The following PDSS2 variants were observed in gnomAD, a reference collection of about 807,000 sequenced individuals.
The protein encoded by PDSS2 is all trans-polyprenyl-diphosphate synthase PDSS2.
A neutral mutation model predicts 44.5 loss-of-function variants in PDSS2; 31 were observed. The observed-to-expected ratio is 0.70, with a 90% CI of 0.52 to 0.94. PDSS2 has a LOEUF of 0.94. PDSS2 is among the 40% of genes least tolerant of loss of function. The pLI is 0.00. For missense variants in PDSS2, 452 were observed against 482.2 expected (o/e 0.94, Z 0.59); for synonymous variants, 157 against 180.3 (o/e 0.87, Z 1.03).
At chr6:107,387,001 TAC>T (rs947171574) in intron 1 of PDSS2, among the ~76,000 whole-genome samples, 7 of 152,312 alleles carry the variant, frequency 4.6e-5, no homozygotes, top group Non-Finnish European at 1.0e-4. Flanking sequence ...GAAAATCACA[TAC>T]AGAGCAACAG....
rs1434422677 is a variant in PDSS2, at chr6:107,261,617, C to T, written c.630+12412G>A. On this transcript the variant is annotated intron_variant, in intron 3 of 7. Transcript: ENST00000369037. ...TTTTTGAGATGGAGTTTCACTCTTTCCCCTAGGCTGGAATGCAGTGGCGCA... is the reference window on the plus strand; with the variant it reads ...TTTTTGAGATGGAGTTTCACTCTTTTCCCTAGGCTGGAATGCAGTGGCGCA... 6.7e-5 allele frequency among the ~76,000 whole-genome samples: 8 copies of T among 118,942 alleles called. No homozygotes were observed. In the South Asian group the frequency reaches 1.4e-3, roughly 21 times the overall value. The allele number at this position is 118,942 out of a possible 152,430, so 78.0% of individuals were successfully genotyped here. A position where few individuals can be genotyped will look rare whatever the true frequency, so the allele number is the denominator to read the frequency against.
At chr6:107,429,901 A>AAAAAAAATATAT (rs1166637352) in intron 1 of PDSS2, among the ~76,000 whole-genome samples, 14 of 31,826 alleles carry the variant, frequency 4.4e-4, no homozygotes, top group Non-Finnish European at 4.2e-4. Flanking sequence ...AAAAAAAAAA[A>AAAAAAAATATAT]ATATATATAT....
At chr6:107,154,928 A>C in intron 7 of PDSS2, 151 bp from the exon 8 acceptor site, 1 of 769,010 alleles carries the variant, frequency 1.3e-6, no homozygotes, top group Non-Finnish European at 2.2e-6. Context: ...AAAAGAGGAC[A>C]TCATTTCCCA....
At chr6:107,266,052 C>T (rs896922957) in intron 3 of PDSS2, among the ~76,000 whole-genome samples, 4 of 152,212 alleles carry the variant, frequency 2.6e-5, no homozygotes, top group Admixed American at 2.6e-4. Flanking sequence ...TATACTTAAT[C>T]AACTTAAGCT....
chr6:107,156,678 G>C (rs1319816812), intron 7 of PDSS2, among the ~76,000 whole-genome samples: 1 of 152,210 alleles, frequency 6.6e-6, no homozygotes, highest in Non-Finnish European at 1.5e-5. Context: ...TGTGGCTGCA[G>C]CATTTAACTG....
chr6:107,437,774 C>T (rs898886347), intron 1 of PDSS2, among the ~76,000 whole-genome samples: 2 of 152,108 alleles, frequency 1.3e-5, no homozygotes, highest in Non-Finnish European at 2.9e-5. Flanking sequence ...AGTTCTAACC[C>T]ATTTTGTTCA....
At chr6:107,264,309 A>G in intron 3 of PDSS2, 2 of 1,436,426 alleles carry the variant, frequency 1.4e-6, no homozygotes, top group Non-Finnish European at 9.2e-7. Flanking sequence ...CTTTAGGAAA[A>G]CAAAGTTAAC....
intron 1 of PDSS2, among the ~76,000 whole-genome samples, chr6:107,433,700 C>G (rs1027388350): frequency 2.0e-5 from 3 of 152,214 alleles, no homozygotes; most frequent in African/African-American, 7.2e-5. Context: ...CTCCAGGACA[C>G]TTGCCTGGGC....
At chr6:107,321,925 C>T (rs554314958) in intron 2 of PDSS2, among the ~76,000 whole-genome samples, 29 of 152,310 alleles carry the variant, frequency 1.9e-4, no homozygotes, top group Admixed American at 1.6e-3. Context: ...TGCATTACCA[C>T]TTCCACCCCT....
At chr6:107,209,956 C>T (rs769848813) in intron 6 of PDSS2, among the ~76,000 whole-genome samples, 1 of 152,142 alleles carries the variant, frequency 6.6e-6, no homozygotes, top group Non-Finnish European at 1.5e-5. Flanking sequence ...TTTACCCCTC[C>T]CACTTCGCCA....
At chr6:107,242,724 G>T (rs1244946595) in intron 4 of PDSS2, among the ~76,000 whole-genome samples, 2 of 151,998 alleles carry the variant, frequency 1.3e-5, no homozygotes, top group Non-Finnish European at 2.9e-5. Context: ...TAAAGATGGG[G>T]TCTTCCCATG....
rs113627922 is a variant in PDSS2 at position 107,259,034 on chromosome 6, T to C, written c.631-13415A>G. Reference sequence around the variant, plus strand: ...ATTTAGACAGCAACTCTACCATTTATTAGCAGTGTTACCTTGAGGGAAATT... The same window carrying C: ...ATTTAGACAGCAACTCTACCATTTACTAGCAGTGTTACCTTGAGGGAAATT... On this transcript the variant is annotated intron_variant, in intron 3 of 7. Transcript: ENST00000369037. Among the ~76,000 whole-genome samples the C allele has an allele frequency of 6.6e-3, 998 of 152,288 alleles. 17 individuals carry two copies. The highest frequency in any genetic ancestry group is 0.023 in the African/African-American group (964 of 41,562).
intron 1 of PDSS2, among the ~76,000 whole-genome samples, chr6:107,400,238 G>A (rs1181644569): frequency 3.3e-5 from 5 of 152,184 alleles, no homozygotes. Flanking sequence ...GGGGTCAATA[G>A]AAGGTCATTT....
At chr6:107,363,919 C>G (rs907241458) in intron 1 of PDSS2, among the ~76,000 whole-genome samples, 4 of 152,140 alleles carry the variant, frequency 2.6e-5, no homozygotes, top group Non-Finnish European at 5.9e-5. Flanking sequence ...ACTCACAAAC[C>G]TTGAGCTAAA....
intron 1 of PDSS2, among the ~76,000 whole-genome samples, chr6:107,334,616 C>T (rs1170859844): frequency 6.6e-6 from 1 of 151,542 alleles, no homozygotes; most frequent in African/African-American, 2.4e-5. Context: ...TCTCAACTCA[C>T]TGCAGCCTCA....
chr6:107,362,691 ACTATCT>A (rs2114298264), intron 1 of PDSS2, among the ~76,000 whole-genome samples: 1 of 152,336 alleles, frequency 6.6e-6, no homozygotes, highest in East Asian at 1.9e-4. Context: ...GTCATTAGAA[ACTATCT>A]CTAAGTGTCT....
intron 3 of PDSS2, among the ~76,000 whole-genome samples, chr6:107,250,207 T>C (rs2114826596): frequency 6.7e-6 from 1 of 149,954 alleles, no homozygotes; most frequent in Middle Eastern, 3.4e-3. Context: ...AATCCTCGCA[T>C]TGCTATCCAA....
At chr6:107,394,625 G>C (rs1779884374) in intron 1 of PDSS2, among the ~76,000 whole-genome samples, 1 of 152,140 alleles carries the variant, frequency 6.6e-6, no homozygotes, top group Admixed American at 6.6e-5. Flanking sequence ...TTTGGGTGGG[G>C]ACACAGATCC....
chr6:107,356,537 A>G (rs527281763), intron 1 of PDSS2, among the ~76,000 whole-genome samples: 2 of 152,338 alleles, frequency 1.3e-5, no homozygotes, highest in South Asian at 4.1e-4. Context: ...TCTCCTAAAA[A>G]GAATAAAAAT....
Sources: gnomAD v4.1 joint callset for allele counts (sites outside exome capture counted in the v4.1 genomes callset) on GRCh38, gnomAD v4.1.1 for gene constraint, MANE v1.5 for transcripts, NCBI Gene and HGNC (gene_info 2026-07-23, HGNC 2026-07-21) for gene names.